Variants in KCNIP1 observed in about 807,000 individuals in gnomAD.
The protein encoded by KCNIP1 is potassium voltage-gated channel interacting protein 1.
KCNIP1 carries 18 observed loss-of-function variants against 33.0 expected under a neutral mutation model. The observed-to-expected ratio is 0.55, with a 90% CI of 0.38 to 0.81. The LOEUF (loss-of-function observed/expected upper bound fraction) is 0.81. KCNIP1 is among the 30% of genes least tolerant of loss of function. KCNIP1 has a pLI of 0.00. For missense variants in KCNIP1, 238 were observed against 271.6 expected, an observed-to-expected ratio of 0.88 and a Z score of 0.87; for synonymous variants, 93 against 98.3, an observed-to-expected ratio of 0.95 and a Z score of 0.32.
intron 1 of KCNIP1, among the ~76,000 whole-genome samples, chr5:170,565,038 G>A (rs1034612572): frequency 1.3e-5 from 2 of 152,096 alleles, no homozygotes; most frequent in Non-Finnish European, 2.9e-5. Flanking sequence ...TGAAATGGCT[G>A]CGAGACCAGA....
intron 1 of KCNIP1, among the ~76,000 whole-genome samples, chr5:170,555,825 C>T (rs1756824832): frequency 1.3e-5 from 2 of 152,194 alleles, no homozygotes; most frequent in African/African-American, 4.8e-5. Context: ...GGTGACGTAT[C>T]TGGTTATTGA....
intron 1 of KCNIP1, among the ~76,000 whole-genome samples, chr5:170,665,565 C>T (rs1200452479): frequency 6.6e-6 from 1 of 152,168 alleles, no homozygotes; most frequent in Non-Finnish European, 1.5e-5. Flanking sequence ...TGGTGAGCCC[C>T]ATTGGTAACA....
At chr5:170,587,642 TCCC>T (rs1758051341) in intron 1 of KCNIP1, among the ~76,000 whole-genome samples, 1 of 152,096 alleles carries the variant, frequency 6.6e-6, no homozygotes, top group Non-Finnish European at 1.5e-5. Context: ...CCTAAGCACA[TCCC>T]TCCAATCTCT....
At chr5:170,723,599 T>G (rs190748028) in intron 5 of KCNIP1, among the ~76,000 whole-genome samples, 6 of 152,282 alleles carry the variant, frequency 3.9e-5, no homozygotes, top group African/African-American at 1.4e-4. Flanking sequence ...TATCCAACTT[T>G]CATTCCTCAT....
intron 1 of KCNIP1, among the ~76,000 whole-genome samples, chr5:170,693,912 G>A (rs1476889628): frequency 6.6e-6 from 1 of 152,166 alleles, no homozygotes; most frequent in East Asian, 1.9e-4. Context: ...CTTCATGGGT[G>A]TGGCCTTTGG....
intron 1 of KCNIP1, among the ~76,000 whole-genome samples, chr5:170,367,682 T>C (rs1763731393): frequency 6.6e-6 from 1 of 152,240 alleles, no homozygotes; most frequent in African/African-American, 2.4e-5. Context: ...TCTTTCCATC[T>C]GTCACTCCCT....
chr5:170,726,861 A>AGATTG (rs1262132047), intron 5 of KCNIP1, among the ~76,000 whole-genome samples: 5 of 151,728 alleles, frequency 3.3e-5, no homozygotes, highest in Non-Finnish European at 7.4e-5. Context: ...CAGTGAGCTG[A>AGATTG]GATTGCACCA....
rs541705161 is a variant in KCNIP1 at position 170,461,458 on chromosome 5, T to C, written c.88+107494T>C. Among the ~76,000 whole-genome samples, 132 of 152,100 alleles carry C rather than the reference T, an allele frequency of 8.7e-4. 3 individuals carry two copies. Among genetic ancestry groups the C allele is most frequent in the Non-Finnish European group, 1.6e-3 (112 of 67,972 alleles). Reference sequence around the variant, plus strand: ...AAACAGCATGGTACTGGTATAAAAATAGGCACATAGGGTTGGGTGCAGTGG... The same window carrying C: ...AAACAGCATGGTACTGGTATAAAAACAGGCACATAGGGTTGGGTGCAGTGG... On this transcript the variant is annotated intron_variant, in intron 1 of 7. Transcript: ENST00000377360.
At chr5:170,725,993 T>G (rs990121938) in intron 5 of KCNIP1, among the ~76,000 whole-genome samples, 1 of 152,142 alleles carries the variant, frequency 6.6e-6, no homozygotes, top group African/African-American at 2.4e-5. Flanking sequence ...GAATGGATTA[T>G]AGACTTAAAT....
intron 1 of KCNIP1, among the ~76,000 whole-genome samples, chr5:170,591,028 G>A (rs1301557457): frequency 6.6e-6 from 1 of 152,254 alleles, no homozygotes; most frequent in Non-Finnish European, 1.5e-5. Context: ...GGAAGGAGAA[G>A]AGAACAAGGA....
At chr5:170,493,980 G>A (rs1043875735) in intron 1 of KCNIP1, among the ~76,000 whole-genome samples, 7 of 152,160 alleles carry the variant, frequency 4.6e-5, no homozygotes, top group East Asian at 1.9e-4. Flanking sequence ...GCAGGGGCCC[G>A]GTGGCTGCTG....
Position 170,720,324 on chromosome 5 carries a change from T to C in KCNIP1, c.190T>C (p.Cys64Arg). ...QVLYRGFKNE[C>R]PSGVVNEDTF... is the part of the protein sequence containing the mutation. ...TGACTCTCTCCCCTTCCCACAGGAG[T>C]GCCCCAGTGGTGTGGTCAACGAAGA... The change falls in exon 3 of 8, where the codon TGC becomes CGC. Residue 64 changes from cysteine (C) to arginine (R), a missense_variant. Cys to Arg is a radical substitution (Grantham distance 180). Transcript: ENST00000328939. 6.2e-7 allele frequency: 1 copy of C among 1,612,526 alleles called. No individual in the cohort carries two copies. The highest frequency in any genetic ancestry group is 8.5e-7 in the Non-Finnish European group (1 of 1,178,720).
At chr5:170,488,818 G>A (rs1376100190) in intron 1 of KCNIP1, among the ~76,000 whole-genome samples, 2 of 152,308 alleles carry the variant, frequency 1.3e-5, no homozygotes, top group Admixed American at 6.5e-5. Flanking sequence ...GAGCATCCAC[G>A]TGAGCAAATG....
At chr5:170,527,887 G>T (rs547115164) in intron 1 of KCNIP1, among the ~76,000 whole-genome samples, 2 of 151,908 alleles carry the variant, frequency 1.3e-5, no homozygotes, top group Admixed American at 6.6e-5. Context: ...ACATTCATTT[G>T]GGGGGACGCA....
At position 170,489,056 on chromosome 5, in the gene KCNIP1, A is replaced by G. The variant is rs1306799928; in HGVS notation, c.88+135092A>G. Among the ~76,000 whole-genome samples the G allele has an allele frequency of 6.6e-6, 1 of 151,410 alleles. No individual in the cohort carries two copies. Among genetic ancestry groups the G allele is most frequent in the Non-Finnish European group, 1.5e-5 (1 of 67,680 alleles). ...GGGCTCTGAGCAGAAGGAAGATTTC[A>G]TTAGTGTTAGAGAGGAAGGATGTGC... is the stretch of plus-strand genomic sequence containing the variant. On this transcript the variant is annotated intron_variant, in intron 1 of 7. Coordinates refer to the KCNIP1 transcript ENST00000377360. This position sits in a 1 kb window ranked among gnomAD's most constrained non-coding sequence, Gnocchi z 4.3.
chr5:170,496,014 G>T (rs1055209060), intron 1 of KCNIP1, among the ~76,000 whole-genome samples: 1 of 152,148 alleles, frequency 6.6e-6, no homozygotes, highest in African/African-American at 2.4e-5. Flanking sequence ...GGCCGTGCAG[G>T]GTCAGGGGCA....
upstream of KCNIP1, among the ~76,000 whole-genome samples, chr5:170,500,742 G>C (rs780457219): frequency 6.6e-6 from 1 of 152,220 alleles, no homozygotes; most frequent in Non-Finnish European, 1.5e-5. Context: ...ACGTGCGTAT[G>C]TGTGTGTATT....
At chr5:170,395,431 A>G (rs565218139) in intron 1 of KCNIP1, among the ~76,000 whole-genome samples, 1 of 152,338 alleles carries the variant, frequency 6.6e-6, no homozygotes, top group South Asian at 2.1e-4. Context: ...AGATTTCATC[A>G]AAGCCATGTT....
At chr5:170,592,066 A>G (rs1758282340) in intron 1 of KCNIP1, among the ~76,000 whole-genome samples, 1 of 152,228 alleles carries the variant, frequency 6.6e-6, no homozygotes, top group Non-Finnish European at 1.5e-5. Context: ...TCCTACCAGC[A>G]GTGCACAAGA....
Sources: allele counts gnomAD v4.1 joint callset (sites outside exome capture counted in the v4.1 genomes callset), GRCh38; gene constraint gnomAD v4.1.1; non-coding constraint Gnocchi (gnomAD v3.1); transcripts MANE v1.5; gene names NCBI Gene and HGNC (gene_info 2026-07-23, HGNC 2026-07-21).